The following TRIM37 variants were observed in gnomAD, a reference collection of about 807,000 sequenced individuals.
TRIM37 encodes the protein E3 ubiquitin-protein ligase TRIM37.
A neutral mutation model predicts 129.8 loss-of-function variants in TRIM37; 80 were observed. The ratio of observed to expected loss-of-function variants is 0.62; its 90% CI spans 0.51 to 0.74. The LOEUF (loss-of-function observed/expected upper bound fraction) is 0.74, where lower values mean the gene tolerates loss of function less well. TRIM37 is among the 30% of genes least tolerant of loss of function. The pLI is 0.00. For synonymous variants in TRIM37, 389 were observed against 387.1 expected (o/e 1.00, Z -0.06); for missense variants, 1,054 against 1,176.5 (o/e 0.90, Z 1.52).
At chr17:59,023,708 T>C (rs537845331) in intron 19 of TRIM37, among the ~76,000 whole-genome samples, 1 of 151,622 alleles carries the variant, frequency 6.6e-6, no homozygotes, top group South Asian at 2.1e-4. Context: ...ACAGCAAACC[T>C]CAAATTTAAT....
chr17:58,977,262 G>T, the TRIM37 span, among the ~76,000 whole-genome samples: 1 of 151,994 alleles, frequency 6.6e-6, no homozygotes, highest in Non-Finnish European at 1.5e-5. Flanking sequence ...GACCAACATG[G>T]TGAAACCCTG....
chr17:59,011,172 GA>G (rs111571536), intron 22 of TRIM37, among the ~76,000 whole-genome samples: 82 of 139,586 alleles, frequency 5.9e-4, no homozygotes, highest in Admixed American at 2.0e-3. Context: ...CCGTCTCGGG[GA>G]AAAAAAAAAA....
intron 19 of TRIM37, among the ~76,000 whole-genome samples, chr17:59,019,810 G>A (rs2145217033): frequency 6.6e-6 from 1 of 152,278 alleles, no homozygotes; most frequent in South Asian, 2.1e-4. Context: ...CTTTTAATGG[G>A]TTTGGAGTTC....
At chr17:59,024,365 T>C (rs1208958588) in intron 19 of TRIM37, among the ~76,000 whole-genome samples, 1 of 151,892 alleles carries the variant, frequency 6.6e-6, no homozygotes, top group Non-Finnish European at 1.5e-5. Flanking sequence ...TAAGATATAA[T>C]ACATTGAGAA....
At chr17:58,968,894 G>A in the TRIM37 span, among the ~76,000 whole-genome samples, 4 of 152,306 alleles carry the variant, frequency 2.6e-5, no homozygotes, top group East Asian at 1.9e-4. Context: ...GTGGTCAGCC[G>A]CACAGGGCAT....
chr17:59,100,719 T>C (rs1329039333), intron 2 of TRIM37, among the ~76,000 whole-genome samples: 1 of 152,088 alleles, frequency 6.6e-6, no homozygotes, highest in Non-Finnish European at 1.5e-5. Flanking sequence ...CAAGAATACA[T>C]ATATGTCAAA....
At chr17:59,029,777 C>T (rs560910638) in intron 18 of TRIM37, among the ~76,000 whole-genome samples, 79 of 152,260 alleles carry the variant, frequency 5.2e-4, no homozygotes, top group African/African-American at 1.8e-3. Flanking sequence ...CAGAGTGAGA[C>T]TCTGTCTCAA....
chr17:59,001,791 C>T, intron 22 of TRIM37, 77 bp from the exon 23 acceptor site: 2 of 1,562,284 alleles, frequency 1.3e-6, no homozygotes, highest in Non-Finnish European at 1.7e-6. Context: ...TCCGTATCTG[C>T]TAAACTGAGA....
chr17:59,069,269 T>G (rs2042171014), intron 9 of TRIM37, among the ~76,000 whole-genome samples: 1 of 151,600 alleles, frequency 6.6e-6, no homozygotes, highest in African/African-American at 2.4e-5. Context: ...ATTGCTTGAA[T>G]CCGGGAGGTG....
rs34467573 is a variant in TRIM37 at position 59,075,563 on chromosome 17, CA to C, written c.684+83del. 108,114 of 484,674 alleles carry C rather than the reference CA, an allele frequency of 0.22. 2,117 individuals are homozygous for C. Among genetic ancestry groups the C allele is most frequent in the African/African-American group, 0.35 (9,965 of 28,614 alleles). The allele number at this position is 484,674 out of a possible 1,614,324, so 30.0% of individuals were successfully genotyped here. On this transcript the variant is annotated intron_variant, in intron 8 of 23. Transcript: ENST00000262294. ...TGGGCGACAGAGAGAGACTCCATCTCAAAAAAAAAAAAAAAAAAAAACAACT... is the reference window on the plus strand; with the variant it reads ...TGGGCGACAGAGAGAGACTCCATCTCAAAAAAAAAAAAAAAAAAAACAACT...
intron 2 of TRIM37, among the ~76,000 whole-genome samples, chr17:59,092,445 G>A (rs1009805324): frequency 6.6e-6 from 1 of 150,670 alleles, no homozygotes; most frequent in African/African-American, 2.4e-5. Context: ...AGTAATTGAA[G>A]CTTCTAGATA....
chr17:59,010,137 T>C (rs1400059515), intron 22 of TRIM37, among the ~76,000 whole-genome samples: 1 of 152,228 alleles, frequency 6.6e-6, no homozygotes, highest in Non-Finnish European at 1.5e-5. Context: ...TGGCAAGTGA[T>C]TCTCAAGGAG....
At chr17:59,064,430 T>G in intron 9 of TRIM37, 25 bp from the exon 10 acceptor site, 1 of 1,536,124 alleles carries the variant, frequency 6.5e-7, no homozygotes, top group Non-Finnish European at 8.9e-7. Flanking sequence ...GCAAAAAAAA[T>G]TATTTAGCTT....
At chr17:59,063,200 A>C (rs2041645279) in intron 10 of TRIM37, among the ~76,000 whole-genome samples, 1 of 151,434 alleles carries the variant, frequency 6.6e-6, no homozygotes, top group Non-Finnish European at 1.5e-5. Flanking sequence ...GTTTTTTCAG[A>C]CAGAGTTTTA....
At chr17:59,069,364 T>C (rs2042180535) in intron 9 of TRIM37, among the ~76,000 whole-genome samples, 1 of 151,258 alleles carries the variant, frequency 6.6e-6, no homozygotes, top group African/African-American at 2.4e-5. Flanking sequence ...ATAAATAAAA[T>C]AATAAATTAA....
At chr17:59,003,028 T>C (rs1471395556) in intron 22 of TRIM37, among the ~76,000 whole-genome samples, 2 of 152,144 alleles carry the variant, frequency 1.3e-5, no homozygotes, top group Non-Finnish European at 2.9e-5. Flanking sequence ...GCCTGTGCCA[T>C]CACACCTGGC....
At chr17:59,086,025 C>T (rs974194012) in intron 4 of TRIM37, among the ~76,000 whole-genome samples, 1 of 151,980 alleles carries the variant, frequency 6.6e-6, no homozygotes, top group Non-Finnish European at 1.5e-5. Flanking sequence ...CTGCCAGGGG[C>T]TGGTGCGAAG....
At chr17:59,023,121 G>A (rs1045369367) in intron 19 of TRIM37, among the ~76,000 whole-genome samples, 10 of 151,980 alleles carry the variant, frequency 6.6e-5, no homozygotes, top group Admixed American at 5.9e-4. Flanking sequence ...TGTCACCTAG[G>A]CTGGAGTGTG....
chr17:59,031,579 C>G (rs1235905236), intron 18 of TRIM37, among the ~76,000 whole-genome samples: 1 of 152,198 alleles, frequency 6.6e-6, no homozygotes, highest in Admixed American at 6.5e-5. Flanking sequence ...TAAGGGAATT[C>G]ATGAAGCCTG....
Sources: allele counts gnomAD v4.1 joint callset (sites outside exome capture counted in the v4.1 genomes callset), GRCh38; gene constraint gnomAD v4.1.1; transcripts MANE v1.5; gene names NCBI Gene and HGNC (gene_info 2026-07-23, HGNC 2026-07-21).